SCUBE1: variants seen among roughly 807,000 people sequenced by gnomAD.
SCUBE1 encodes signal peptide, CUB domain and EGF like domain containing 1, also known as signal peptide, CUB and EGF-like domain-containing protein 1.
SCUBE1 carries 59 observed loss-of-function variants against 124.4 expected under a neutral mutation model. The ratio of observed to expected loss-of-function variants is 0.47; its 90% CI spans 0.38 to 0.59. The LOEUF (loss-of-function observed/expected upper bound fraction) is 0.59, where lower values mean the gene tolerates loss of function less well. Among genes scored for constraint, SCUBE1 ranks in the 20% least tolerant of loss-of-function variants. The probability of loss-of-function intolerance (pLI) is 0.00; values close to 1 mark genes in which losing one functional copy is unlikely to be tolerated. For synonymous variants in SCUBE1, 545 were observed against 550.9 expected (o/e 0.99, Z 0.15); for missense variants, 1,150 against 1,371.2 (o/e 0.84, Z 2.55).
intron 4 of SCUBE1, among the ~76,000 whole-genome samples, chr22:43,264,826 C>T (rs1924002145): frequency 6.6e-6 from 1 of 152,256 alleles, no homozygotes; most frequent in African/African-American, 2.4e-5. Flanking sequence ...TCCTATCTTC[C>T]ATAAACTAAA....
chr22:43,262,988 C>A, intron 4 of SCUBE1, 143 bp from the exon 5 acceptor site: 1 of 825,056 alleles, frequency 1.2e-6, no homozygotes, highest in Non-Finnish European at 1.9e-6. Flanking sequence ...CACGCACTTG[C>A]GCACACACAC....
chr22:43,292,812 C>CCTTT (rs1925416211), intron 3 of SCUBE1, among the ~76,000 whole-genome samples: 1 of 152,188 alleles, frequency 6.6e-6, no homozygotes, highest in African/African-American at 2.4e-5. Context: ...AGGCCGACAG[C>CCTTT]GAGGCCATTA....
Position 43,343,256 on chromosome 22 carries a change from G to T in SCUBE1, c.6C>A (p.Gly2=), listed in dbSNP as rs984978278. Residue 2 remains glycine (G), a synonymous_variant, in exon 1 of 22, where the codon GGC becomes GGA. Coordinates refer to ENST00000360835, the MANE Select transcript of SCUBE1 (RefSeq NM_173050.5). ...ACAAGTGCCAGCGCACGGCCGCCGC[G>T]CCCATGCTCAATGCGGGCCCCGCTG... M[G]AAAVRWHLCV... 8.6e-5 allele frequency: 100 copies of T among 1,158,736 alleles called. No individual in the cohort carries two copies. The highest frequency in any genetic ancestry group is 6.2e-4 in the Admixed American group (14 of 22,656). 71.8% of individuals were successfully genotyped at this position (1,158,736 alleles called of 1,614,324 possible).
chr22:43,252,877 C>T (rs1230820734), intron 6 of SCUBE1, among the ~76,000 whole-genome samples: 2 of 151,232 alleles, frequency 1.3e-5, no homozygotes, highest in Non-Finnish European at 2.9e-5. Context: ...AGGATGGGAA[C>T]GGTCACCTCC....
chr22:43,227,851 C>T (rs1031812150), intron 9 of SCUBE1, among the ~76,000 whole-genome samples: 3 of 152,114 alleles, frequency 2.0e-5, no homozygotes, highest in African/African-American at 7.2e-5. Flanking sequence ...CTGATTTTAC[C>T]GTGGGACTCT....
At chr22:43,232,968 C>T (rs963727634) in intron 7 of SCUBE1, among the ~76,000 whole-genome samples, 5 of 152,316 alleles carry the variant, frequency 3.3e-5, no homozygotes, top group South Asian at 2.1e-4. Context: ...TCCTGGGTCC[C>T]GACCTCCAGG....
In SCUBE1 at chr22:43,234,411, C is replaced by T. The variant is rs533636906; in HGVS notation, c.845-2536G>A. Among the ~76,000 whole-genome samples the T allele has an allele frequency of 1.3e-5, 2 of 152,344 alleles. No individual in the cohort carries two copies. Among genetic ancestry groups the T allele is most frequent in the Admixed American group, 6.5e-5 (1 of 15,304 alleles). Reference sequence around the variant, plus strand: ...CAGGGGCAGCACGTGATCATTCTCACCACTCCTGCCTCCTCAGTGGAGCCT... The same window carrying T: ...CAGGGGCAGCACGTGATCATTCTCATCACTCCTGCCTCCTCAGTGGAGCCT... On this transcript the variant is annotated intron_variant, in intron 7 of 21. Coordinates refer to ENST00000360835, the MANE Select transcript of SCUBE1 (RefSeq NM_173050.5). This position sits in a 1 kb window ranked among gnomAD's most constrained non-coding sequence, Gnocchi z 4.4.
At chr22:43,236,892 C>T (rs1922785930) in intron 7 of SCUBE1, among the ~76,000 whole-genome samples, 1 of 152,204 alleles carries the variant, frequency 6.6e-6, no homozygotes, top group South Asian at 2.1e-4. Context: ...CTGGAACCCG[C>T]ATACAATAGG....
intron 16 of SCUBE1, 28 bp downstream of exon 16, chr22:43,214,062 C>A: frequency 1.6e-6 from 1 of 627,580 alleles, no homozygotes; most frequent in East Asian, 5.1e-5. Flanking sequence ...CCCCCCACCC[C>A]CACCTCTCCT....
chr22:43,315,613 C>T (rs940524397), intron 3 of SCUBE1, among the ~76,000 whole-genome samples: 3 of 152,008 alleles, frequency 2.0e-5, no homozygotes, highest in Admixed American at 2.0e-4. Flanking sequence ...AAAGAGAAAG[C>T]CTGAACAGAA....
chr22:43,241,095 C>T (rs1254893413), intron 6 of SCUBE1, among the ~76,000 whole-genome samples: 2 of 152,184 alleles, frequency 1.3e-5, no homozygotes, highest in Non-Finnish European at 2.9e-5. Flanking sequence ...TCCAAGAATC[C>T]TGGAGGCTCT....
Position 43,288,261 on chromosome 22 carries a change from G to A in SCUBE1, c.484+2785C>T, listed in dbSNP as rs79267130. On this transcript the variant is annotated intron_variant, in intron 4 of 21. Coordinates refer to ENST00000360835, the MANE Select transcript of SCUBE1 (RefSeq NM_173050.5). ...GGATCTGACCACCTGGGGCATCTGG[G>A]TGGAGTGAGCCATGTGTGCCCAGGG... Among the ~76,000 whole-genome samples, 939 of 152,256 alleles carry A rather than the reference G, an allele frequency of 6.2e-3. 11 individuals carry two copies. The highest frequency in any genetic ancestry group is 0.02 in the African/African-American group (850 of 41,536).
chr22:43,212,712 A>C, intron 16 of SCUBE1, 120 bp from the exon 17 acceptor site: 62 of 612,796 alleles, frequency 1.0e-4, no homozygotes, highest in East Asian at 4.1e-4. Flanking sequence ...TGGGCACCCG[A>C]GGCCTGGGGT....
At chr22:43,268,139 C>T (rs187984468) in intron 4 of SCUBE1, among the ~76,000 whole-genome samples, 139 of 152,354 alleles carry the variant, frequency 9.1e-4, no homozygotes, top group African/African-American at 3.1e-3. Flanking sequence ...GTGAGCTCTT[C>T]CAGAGCAGGG....
At chr22:43,300,175 T>C (rs887284079) in intron 3 of SCUBE1, among the ~76,000 whole-genome samples, 4 of 152,314 alleles carry the variant, frequency 2.6e-5, no homozygotes, top group East Asian at 1.9e-4. Flanking sequence ...GGTAACTCCA[T>C]GTGTGCCCTT....
intron 3 of SCUBE1, among the ~76,000 whole-genome samples, chr22:43,316,657 T>C (rs548460788): frequency 1.3e-5 from 2 of 152,290 alleles, no homozygotes; most frequent in Admixed American, 6.5e-5. Flanking sequence ...CAGGTCTATG[T>C]AGGCTCTGCC....
intron 2 of SCUBE1, among the ~76,000 whole-genome samples, chr22:43,321,170 G>C (rs999154785): frequency 6.6e-6 from 1 of 152,232 alleles, no homozygotes; most frequent in Admixed American, 6.5e-5. Flanking sequence ...GGAGTAGGAA[G>C]CCGGGGTCAC....
chr22:43,226,731 A>G (rs1031222186), intron 10 of SCUBE1, among the ~76,000 whole-genome samples: 3 of 151,972 alleles, frequency 2.0e-5, no homozygotes, highest in African/African-American at 7.2e-5. Flanking sequence ...TGGCGGGGCA[A>G]GGACCCGGCG....
chr22:43,343,220 C>T lies in SCUBE1; in HGVS notation c.42G>A (p.Leu14=). The T allele has an allele frequency of 8.2e-7, 1 of 1,216,552 alleles. No homozygotes were observed. Among genetic ancestry groups the T allele is most frequent in the Non-Finnish European group, 1.0e-6 (1 of 970,616 alleles). The allele number at this position is 1,216,552 out of a possible 1,614,324, so 75.4% of individuals were successfully genotyped here. Residue 14 remains leucine (L), a synonymous_variant, in exon 1 of 22, where the codon CTG becomes CTA. Coordinates refer to ENST00000360835, the MANE Select transcript of SCUBE1 (RefSeq NM_173050.5). ...CCAGCCGCCCGCGTGTGCCCAGGGC[C>T]AGCAGCACGCACAAGTGCCAGCGCA... is the stretch of plus-strand genomic sequence containing the variant. ...AAVRWHLCVL[L]ALGTRGRLAG...
Sources: allele counts gnomAD v4.1 joint callset (sites outside exome capture counted in the v4.1 genomes callset), GRCh38; gene constraint gnomAD v4.1.1; non-coding constraint Gnocchi (gnomAD v3.1); transcripts MANE v1.5; gene names NCBI Gene and HGNC (gene_info 2026-07-23, HGNC 2026-07-21).